GLI2: variants seen among roughly 807,000 people sequenced by gnomAD.
GLI2 encodes the protein transcription activator GLI2.
Under a neutral mutation model 78.9 loss-of-function variants are expected in GLI2, and 22 were observed. The observed-to-expected ratio is 0.28, with a 90% confidence interval of 0.20 to 0.40. The LOEUF (loss-of-function observed/expected upper bound fraction) is 0.40, where lower values mean the gene tolerates loss of function less well. Ranked by LOEUF, GLI2 falls within the 10% of genes least tolerant of loss-of-function variation. The pLI is 1.00. For synonymous variants in GLI2, 974 were observed against 963.7 expected, an observed-to-expected ratio of 1.01 and a Z score of -0.20; for missense variants, 2,097 against 2,213.2, an observed-to-expected ratio of 0.95 and a Z score of 1.05.
chr2:120,836,312 A>G (rs893615558), intron 2 of GLI2, among the ~76,000 whole-genome samples: 1 of 152,028 alleles, frequency 6.6e-6, no homozygotes, highest in African/African-American at 2.4e-5. Context: ...GTTGATTAAG[A>G]TGTTATCTTA....
At chr2:120,970,174 T>C (rs1308318537) in intron 6 of GLI2, among the ~76,000 whole-genome samples, 2 of 151,984 alleles carry the variant, frequency 1.3e-5, no homozygotes, top group Non-Finnish European at 2.9e-5. Context: ...AGGGGTGAAG[T>C]CTACATCCTG....
intron 8 of GLI2, 110 bp downstream of exon 8, chr2:120,972,173 G>A (rs554900963): frequency 2.3e-5 from 28 of 1,217,450 alleles, no homozygotes; most frequent in Non-Finnish European, 3.4e-5. Flanking sequence ...TGCCTGCATG[G>A]ATGAATGAGT....
chr2:120,764,370 A>T (rs1462496643), intron 1 of GLI2, among the ~76,000 whole-genome samples: 1 of 152,188 alleles, frequency 6.6e-6, no homozygotes, highest in Admixed American at 6.5e-5. Flanking sequence ...CGCTTGTGAG[A>T]TGTGTCCCCA....
chr2:120,923,846 TCACA>T (rs887024806), intron 2 of GLI2, among the ~76,000 whole-genome samples: 3 of 151,598 alleles, frequency 2.0e-5, no homozygotes, highest in Non-Finnish European at 4.4e-5. Flanking sequence ...CAAACACACC[TCACA>T]CACACGTACA....
intron 2 of GLI2, among the ~76,000 whole-genome samples, chr2:120,888,690 C>T (rs559999091): frequency 7.2e-5 from 11 of 152,252 alleles, no homozygotes; most frequent in African/African-American, 2.6e-4. Flanking sequence ...TTTCTTTCTT[C>T]GTTCAGAAAC....
intron 2 of GLI2, among the ~76,000 whole-genome samples, chr2:120,852,452 C>T (rs1573480757): frequency 6.6e-6 from 1 of 152,300 alleles, no homozygotes; most frequent in South Asian, 2.1e-4. Context: ...GCTGGCTTTC[C>T]GACAGGACCC....
chr2:120,919,183 T>C (rs1170816473), intron 2 of GLI2, among the ~76,000 whole-genome samples: 1 of 152,234 alleles, frequency 6.6e-6, no homozygotes, highest in Non-Finnish European at 1.5e-5. Context: ...TCTGTTTGCT[T>C]CTAAGAAAAT....
chr2:120,941,176 T>G (rs1189531463), intron 3 of GLI2, among the ~76,000 whole-genome samples: 1 of 152,222 alleles, frequency 6.6e-6, no homozygotes, highest in Non-Finnish European at 1.5e-5. Context: ...GAGTGCAGAT[T>G]GATAAAAGAC....
Position 120,988,221 on chromosome 2 carries a change from A to G in GLI2, c.2256A>G (p.Glu752=), listed in dbSNP as rs775448864. The G allele has an allele frequency of 6.3e-7, 1 of 1,592,442 alleles. No homozygotes were observed. Among genetic ancestry groups the G allele is most frequent in the Admixed American group, 1.7e-5 (1 of 58,162 alleles). ...PPLPGSGSIL[E]NFSGSGGGGP... ...GCTCTCCCGCAGGCTCCATCCTGGA[A>G]AACTTCAGTGGCAGTGGGGGCGGCG... The change falls in exon 14 of 14, where the codon GAA becomes GAG. Residue 752 remains glutamate, a synonymous_variant. Transcript: ENST00000361492.
At chr2:120,883,464 G>A (rs982131243) in intron 2 of GLI2, among the ~76,000 whole-genome samples, 1 of 152,190 alleles carries the variant, frequency 6.6e-6, no homozygotes, top group Non-Finnish European at 1.5e-5. Flanking sequence ...CCCAGCCCAG[G>A]TGACAGAGCG....
chr2:120,783,609 A>G (rs1186720775), intron 1 of GLI2, among the ~76,000 whole-genome samples: 1 of 152,072 alleles, frequency 6.6e-6, no homozygotes. Flanking sequence ...GTGTCATGCC[A>G]AGAAACCACG....
intron 2 of GLI2, among the ~76,000 whole-genome samples, chr2:120,860,586 A>G (rs1687858486): frequency 5.3e-5 from 8 of 152,178 alleles, no homozygotes; most frequent in Admixed American, 5.2e-4. Context: ...TTGAAGGATG[A>G]ATGGCTGAGC....
chr2:120,906,943 A>G (rs1461286232), intron 2 of GLI2, among the ~76,000 whole-genome samples: 1 of 152,008 alleles, frequency 6.6e-6, no homozygotes, highest in Non-Finnish European at 1.5e-5. Context: ...TCTGTCACCC[A>G]GTGGTCACAA....
At chr2:120,796,849 G>T (rs1684420936) in intron 1 of GLI2, among the ~76,000 whole-genome samples, 1 of 152,224 alleles carries the variant, frequency 6.6e-6, no homozygotes, top group Non-Finnish European at 1.5e-5. Context: ...GAGCGAACAT[G>T]CAGATGAATA....
intron 2 of GLI2, among the ~76,000 whole-genome samples, chr2:120,841,742 G>T (rs965611965): frequency 2.6e-5 from 4 of 152,206 alleles, no homozygotes; most frequent in Admixed American, 1.3e-4. Context: ...AGAGTATGGT[G>T]GGGGAGAGGC....
chr2:120,910,783 G>A (rs994580678), intron 2 of GLI2, among the ~76,000 whole-genome samples: 1 of 152,192 alleles, frequency 6.6e-6, no homozygotes, highest in Admixed American at 6.5e-5. Context: ...CCCTCCCCTG[G>A]GTCCCTCCCG....
chr2:120,845,759 A>C (rs376072612), intron 2 of GLI2, among the ~76,000 whole-genome samples: 106 of 152,308 alleles, frequency 7.0e-4, no homozygotes, highest in African/African-American at 2.5e-3. Flanking sequence ...TCTGTGGCAA[A>C]TCATCCACTT....
intron 2 of GLI2, among the ~76,000 whole-genome samples, chr2:120,831,106 T>A (rs1364788601): frequency 6.6e-6 from 1 of 151,994 alleles, no homozygotes; most frequent in Non-Finnish European, 1.5e-5. Context: ...TCTCTCTTTC[T>A]GTCATCCTCT....
At position 120,886,526 on chromosome 2, in the gene GLI2, C is replaced by T. The variant is rs184205884; in HGVS notation, c.149-40835C>T. On this transcript the variant is annotated intron_variant, in intron 2 of 13. Transcript: ENST00000361492. The stretch of plus-strand genomic sequence containing the variant: ...AAGTGATACTCCCACCTTGGCCTCC[C>T]TAAGTGCTGGGATTACAGGCATGAA... Among the ~76,000 whole-genome samples, 33 of 152,304 alleles carry T rather than the reference C, an allele frequency of 2.2e-4. No individual in the cohort carries two copies. The East Asian group carries it at 5.6e-3, about 26-fold the overall frequency.
Sources: allele counts gnomAD v4.1 joint callset (sites outside exome capture counted in the v4.1 genomes callset), GRCh38; gene constraint gnomAD v4.1.1; transcripts MANE v1.5; gene names NCBI Gene and HGNC (gene_info 2026-07-23, HGNC 2026-07-21).